LRMDA: variants seen among roughly 807,000 people sequenced by gnomAD.
LRMDA encodes leucine rich melanocyte differentiation associated.
LRMDA carries 18 observed loss-of-function variants against 29.8 expected under a neutral mutation model. That is an observed-to-expected ratio of 0.60 (90% CI 0.42 to 0.90). LRMDA has a LOEUF of 0.90. Ranked by LOEUF, LRMDA falls within the 40% of genes least tolerant of loss-of-function variation. The pLI, the probability that LRMDA is intolerant of heterozygous loss-of-function variation, is 0.00. For synonymous variants in LRMDA, 125 were observed against 109.4 expected (o/e 1.14, Z -0.89); for missense variants, 273 against 273.9 (o/e 1.00, Z 0.02).
intron 2 of LRMDA, among the ~76,000 whole-genome samples, chr10:75,914,223 C>T (rs918887168): frequency 1.3e-5 from 2 of 152,180 alleles, no homozygotes; most frequent in Non-Finnish European, 2.9e-5. Context: ...AAAATTGTAG[C>T]TGGCAGTTGT....
chr10:76,411,739 C>T (rs1477512410), intron 6 of LRMDA, among the ~76,000 whole-genome samples: 1 of 152,226 alleles, frequency 6.6e-6, no homozygotes, highest in Non-Finnish European at 1.5e-5. Context: ...GGGATGGAGC[C>T]ACGCCCCTGA....
At chr10:76,241,730 C>T (rs944593909) in intron 5 of LRMDA, among the ~76,000 whole-genome samples, 5 of 152,146 alleles carry the variant, frequency 3.3e-5, no homozygotes, top group Non-Finnish European at 7.4e-5. Flanking sequence ...TGGTGAATAA[C>T]ACTGCCTGAC....
At chr10:76,251,036 A>G (rs534291708) in intron 5 of LRMDA, among the ~76,000 whole-genome samples, 8 of 152,254 alleles carry the variant, frequency 5.3e-5, no homozygotes, top group Non-Finnish European at 5.9e-5. Flanking sequence ...TCTTCCCCAA[A>G]GGGCTTCTCT....
At chr10:76,114,705 T>C (rs1849638697) in intron 5 of LRMDA, among the ~76,000 whole-genome samples, 1 of 152,188 alleles carries the variant, frequency 6.6e-6, no homozygotes, top group African/African-American at 2.4e-5. Context: ...CCCTGCCAGA[T>C]GAGAGATGAT....
chr10:75,550,324 A>G (rs1239275618), intron 2 of LRMDA, among the ~76,000 whole-genome samples: 1 of 151,986 alleles, frequency 6.6e-6, no homozygotes, highest in African/African-American at 2.4e-5. Flanking sequence ...GTTTTTGTCT[A>G]CTTCTTTCAG....
chr10:76,136,537 G>T (rs2132143909), intron 5 of LRMDA, among the ~76,000 whole-genome samples: 1 of 152,100 alleles, frequency 6.6e-6, no homozygotes, highest in African/African-American at 2.4e-5. Context: ...GCAAATGATT[G>T]AGTCTTGAGT....
chr10:76,062,654 CTCTGTGTGTG>C (rs1471265279), intron 5 of LRMDA, among the ~76,000 whole-genome samples: 189 of 136,428 alleles, frequency 1.4e-3, no homozygotes, highest in African/African-American at 4.5e-3. Flanking sequence ...GACTTTATCT[CTCTGTGTGTG>C]TGTGTGTGTG....
intron 5 of LRMDA, among the ~76,000 whole-genome samples, chr10:76,076,159 C>T (rs527936736): frequency 3.2e-4 from 48 of 151,924 alleles, no homozygotes; most frequent in African/African-American, 1.0e-3. Flanking sequence ...CTGGCTAACA[C>T]GGTGAAAACC....
At chr10:75,953,812 G>A (rs1846618636) in intron 2 of LRMDA, among the ~76,000 whole-genome samples, 1 of 152,098 alleles carries the variant, frequency 6.6e-6, no homozygotes, top group Admixed American at 6.6e-5. Context: ...AGTATTCCTT[G>A]TCCCCTAGTG....
chr10:75,813,520 A>G (rs1280603792), intron 2 of LRMDA, among the ~76,000 whole-genome samples: 1 of 152,200 alleles, frequency 6.6e-6, no homozygotes, highest in Non-Finnish European at 1.5e-5. Context: ...AAGTTAGAAC[A>G]AACTTAGGTC....
intron 6 of LRMDA, chr10:76,403,465 TG>T (rs1554818662): frequency 1.3e-5 from 2 of 152,052 alleles, no homozygotes; most frequent in Non-Finnish European, 1.5e-5. Flanking sequence ...TATATGTAGA[TG>T]CTAACCCAGG....
At chr10:76,112,318 G>A (rs545666730) in intron 5 of LRMDA, among the ~76,000 whole-genome samples, 125 of 152,340 alleles carry the variant, frequency 8.2e-4, no homozygotes, top group Middle Eastern at 6.8e-3. Context: ...CAGGAGCAGG[G>A]TATGGGGCGT....
At chr10:75,831,355 CA>C (rs1386498579) in intron 2 of LRMDA, among the ~76,000 whole-genome samples, 4 of 152,150 alleles carry the variant, frequency 2.6e-5, no homozygotes, top group Non-Finnish European at 4.4e-5. Context: ...CCAGGGCAGT[CA>C]AATCTTAAAG....
chr10:75,942,757 G>A (rs780945030), intron 2 of LRMDA, among the ~76,000 whole-genome samples: 1 of 152,122 alleles, frequency 6.6e-6, no homozygotes, highest in Non-Finnish European at 1.5e-5. Context: ...CCTGGTCTTT[G>A]TTTCTTTAGC....
intron 6 of LRMDA, among the ~76,000 whole-genome samples, chr10:76,456,120 TC>T (rs1277091348): frequency 6.6e-6 from 1 of 152,184 alleles, no homozygotes; most frequent in Non-Finnish European, 1.5e-5. Context: ...AGTCGTTCGG[TC>T]TCCATTTTGT....
intron 5 of LRMDA, among the ~76,000 whole-genome samples, chr10:76,297,208 G>C (rs1840421903): frequency 6.6e-6 from 1 of 152,208 alleles, no homozygotes; most frequent in South Asian, 2.1e-4. Flanking sequence ...CATTACCAAA[G>C]TTCCCACTCA....
chr10:76,095,089 G>T (rs1849292900), intron 5 of LRMDA, among the ~76,000 whole-genome samples: 1 of 152,156 alleles, frequency 6.6e-6, no homozygotes, highest in East Asian at 1.9e-4. Flanking sequence ...TCAAGATAAT[G>T]AACAGTTACC....
chr10:75,709,421 CGTGT>C (rs201841923), intron 2 of LRMDA, among the ~76,000 whole-genome samples: 11 of 147,370 alleles, frequency 7.5e-5, no homozygotes, highest in South Asian at 2.2e-4. Context: ...TCTGTGTGTA[CGTGT>C]GTGTGTGTGT....
intron 5 of LRMDA, among the ~76,000 whole-genome samples, chr10:76,298,792 T>C (rs1393030933): frequency 1.3e-5 from 2 of 152,192 alleles, no homozygotes; most frequent in East Asian, 3.9e-4. Flanking sequence ...TTTAACAAAT[T>C]GTTTTGTGAC....
Sources: gnomAD v4.1 joint callset for allele counts (sites outside exome capture counted in the v4.1 genomes callset) on GRCh38, gnomAD v4.1.1 for gene constraint, MANE v1.5 for transcripts, NCBI Gene and HGNC (gene_info 2026-07-23, HGNC 2026-07-21) for gene names.